VAV2: variants seen among roughly 807,000 people sequenced by gnomAD.
The protein encoded by VAV2 is guanine nucleotide exchange factor VAV2.
A neutral mutation model predicts 132.5 loss-of-function variants in VAV2; 67 were observed. The ratio of observed to expected loss-of-function variants is 0.51; its 90% CI spans 0.42 to 0.62. VAV2 has a LOEUF of 0.62. Among genes scored for constraint, VAV2 ranks in the 20% least tolerant of loss-of-function variants. The pLI is 0.00. For missense variants in VAV2, 938 were observed against 1,153.6 expected, an observed-to-expected ratio of 0.81 and a Z score of 2.71; for synonymous variants, 492 against 443.5, an observed-to-expected ratio of 1.11 and a Z score of -1.37.
At chr9:133,875,911 C>T (rs948383181) in intron 2 of VAV2, among the ~76,000 whole-genome samples, 1 of 152,236 alleles carries the variant, frequency 6.6e-6, no homozygotes, top group African/African-American at 2.4e-5. Flanking sequence ...CCCGTGCCCT[C>T]GGGCCTCACC....
chr9:133,882,399 C>T (rs1403061982), intron 2 of VAV2, among the ~76,000 whole-genome samples: 4 of 152,234 alleles, frequency 2.6e-5, no homozygotes, highest in South Asian at 2.1e-4. Context: ...GCATCCCCTA[C>T]GGTTCATGTC....
rs1429981098 is a variant in VAV2 at position 133,863,763 on chromosome 9, G to A, written c.322-2331C>T. Among the ~76,000 whole-genome samples, 8 of 152,198 alleles carry A rather than the reference G, an allele frequency of 5.3e-5. No individual in the cohort carries two copies. The highest frequency in any genetic ancestry group is 1.7e-4 in the African/African-American group (7 of 41,454). ...TAGCTGGCACTGGGGATGGGGGGAAGCTCAGAAGTCCACCACGGGGAACCA... is the reference window on the plus strand; with the variant it reads ...TAGCTGGCACTGGGGATGGGGGGAAACTCAGAAGTCCACCACGGGGAACCA... On this transcript the variant is annotated intron_variant, in intron 2 of 29. Coordinates refer to ENST00000371850, the MANE Select transcript of VAV2 (RefSeq NM_001134398.2). This position sits in a 1 kb window ranked among gnomAD's most constrained non-coding sequence, Gnocchi z 5.0.
At chr9:133,936,431 C>T (rs112619871) in intron 2 of VAV2, among the ~76,000 whole-genome samples, 2 of 152,100 alleles carry the variant, frequency 1.3e-5, no homozygotes, top group Non-Finnish European at 2.9e-5. Flanking sequence ...TTATTAGAGA[C>T]AGGGTTTCAC....
At chr9:133,976,141 G>C (rs1242215382) in intron 1 of VAV2, among the ~76,000 whole-genome samples, 1 of 152,164 alleles carries the variant, frequency 6.6e-6, no homozygotes, top group African/African-American at 2.4e-5. Context: ...AGGAGGCGGA[G>C]GTTGCAGTGA....
At chr9:133,891,706 G>A (rs1185532895) in intron 2 of VAV2, among the ~76,000 whole-genome samples, 1 of 53,422 alleles carries the variant, frequency 1.9e-5, no homozygotes. Context: ...AGGGATGAAG[G>A]GGGAGGGATG....
rs1564342140 is a variant in VAV2 at position 133,783,876 on chromosome 9, C to CT, written c.1635-286_1635-285insA. ...TGAAACTCTAAGGGCTTGGCTGGGC[C>CT]GTTTTTTTTTTTTTTTTTTTTGGAG... On this transcript the variant is annotated intron_variant, in intron 18 of 29. Transcript: ENST00000371850. Among the ~76,000 whole-genome samples the CT allele has an allele frequency of 5.1e-4, 64 of 125,002 alleles. 6 individuals carry two copies. The highest frequency in any genetic ancestry group is 7.8e-4 in the South Asian group (3 of 3,828). The allele number at this position is 125,002 out of a possible 152,430, so 82.0% of individuals were successfully genotyped here.
chr9:133,815,671 GAAC>G (rs1835529087), intron 4 of VAV2, among the ~76,000 whole-genome samples: 2 of 152,184 alleles, frequency 1.3e-5, no homozygotes, highest in African/African-American at 2.4e-5. Flanking sequence ...TCCACGGCAT[GAAC>G]AACAACGTGC....
chr9:133,798,811 A>G (rs547475601), intron 9 of VAV2, among the ~76,000 whole-genome samples: 1 of 152,320 alleles, frequency 6.6e-6, no homozygotes, highest in South Asian at 2.1e-4. Context: ...TCAGGCAGGG[A>G]GACTGAGGCC....
intron 1 of VAV2, among the ~76,000 whole-genome samples, chr9:133,939,461 G>A (rs2132136535): frequency 6.6e-6 from 1 of 152,238 alleles, no homozygotes; most frequent in Admixed American, 6.5e-5. Flanking sequence ...CCACATCCGA[G>A]GGTGTAGCCA....
intron 3 of VAV2, among the ~76,000 whole-genome samples, chr9:133,845,638 G>A (rs1408198244): frequency 1.3e-5 from 2 of 152,346 alleles, no homozygotes; most frequent in East Asian, 1.9e-4. Context: ...GGGGCCTCAC[G>A]TTGGAGGATC....
At chr9:133,800,534 G>A (rs1239427799) in intron 9 of VAV2, among the ~76,000 whole-genome samples, 1 of 152,232 alleles carries the variant, frequency 6.6e-6, no homozygotes, top group Admixed American at 6.5e-5. Context: ...CACCACTGCG[G>A]ACTCGGCTTC....
intron 3 of VAV2, among the ~76,000 whole-genome samples, chr9:133,858,792 G>T (rs550326004): frequency 3.3e-5 from 5 of 152,164 alleles, no homozygotes; most frequent in Non-Finnish European, 5.9e-5. Context: ...TTCAGAGCTG[G>T]GTCCACCGAC....
intron 2 of VAV2, among the ~76,000 whole-genome samples, chr9:133,875,209 G>T (rs577387010): frequency 6.6e-6 from 1 of 152,302 alleles, no homozygotes; most frequent in East Asian, 1.9e-4. Context: ...GTCACTCAGG[G>T]TGGGCTGGGA....
At chr9:133,911,320 C>T (rs1457939775) in intron 2 of VAV2, among the ~76,000 whole-genome samples, 1 of 152,174 alleles carries the variant, frequency 6.6e-6, no homozygotes, top group East Asian at 1.9e-4. Context: ...GTCTGTGCTG[C>T]GGATGCCTGG....
intron 22 of VAV2, among the ~76,000 whole-genome samples, chr9:133,777,699 G>GC (rs1000824304): frequency 3.9e-5 from 6 of 151,938 alleles, no homozygotes; most frequent in African/African-American, 1.4e-4. Flanking sequence ...CCTCCACAAG[G>GC]CCCCCCCAAG....
intron 27 of VAV2, 27 bp downstream of exon 27, chr9:133,770,351 G>C (rs1319248953): frequency 3.1e-6 from 5 of 1,613,282 alleles, no homozygotes; most frequent in Non-Finnish European, 4.2e-6. Flanking sequence ...GAGGAGTGCT[G>C]GTGTGCCGGC....
chr9:133,797,652 T>TG, intron 10 of VAV2, 58 bp downstream of exon 10: 1 of 1,505,200 alleles, frequency 6.6e-7, no homozygotes, highest in Non-Finnish European at 9.1e-7. Flanking sequence ...TAACGAGCTC[T>TG]GGCCTGCAAG....
At chr9:133,791,739 G>T (rs377015828) in intron 13 of VAV2, 44 bp downstream of exon 13, 3 of 1,543,440 alleles carry the variant, frequency 1.9e-6, no homozygotes, top group Non-Finnish European at 2.7e-6. Context: ...TTATAGGTAC[G>T]TCCTCATCGA....
chr9:133,820,484 C>T lies in VAV2; in HGVS notation c.450-8268G>A, dbSNP rs1224185740. On this transcript the variant is annotated intron_variant, in intron 4 of 29. Transcript: ENST00000371850. ...GACTACAGGTGCCCAGCACCACGCC[C>T]GGCTAATTTTTTTTGTATTTTTAGT... is the stretch of plus-strand genomic sequence containing the variant. Among the ~76,000 whole-genome samples, 5 of 152,212 alleles carry T rather than the reference C, an allele frequency of 3.3e-5. No individual in the cohort carries two copies. In the East Asian group the frequency reaches 5.8e-4, roughly 18 times the overall value.
Sources: gnomAD v4.1 joint callset for allele counts (sites outside exome capture counted in the v4.1 genomes callset) on GRCh38, gnomAD v4.1.1 for gene constraint, Gnocchi (gnomAD v3.1) non-coding constraint, MANE v1.5 for transcripts, NCBI Gene and HGNC (gene_info 2026-07-23, HGNC 2026-07-21) for gene names.